NXN: variants seen among roughly 807,000 people sequenced by gnomAD.
NXN encodes the protein nucleoredoxin.
In NXN, 16 loss-of-function variants were observed where a neutral mutation model predicts 48.6. That is an observed-to-expected ratio of 0.33 (90% confidence interval 0.22 to 0.50). NXN has a LOEUF of 0.50. NXN is among the 20% of genes least tolerant of loss of function. NXN has a pLI of 0.98. For missense variants in NXN, 492 were observed against 605.5 expected (o/e 0.81, Z 1.97); for synonymous variants, 281 against 269.6 (o/e 1.04, Z -0.41).
rs376761668 is a variant in NXN, at chr17:821,624, G to A, written c.713+733C>T. On this transcript the variant is annotated intron_variant, in intron 4 of 7. Transcript: ENST00000336868. ...AAATTAGCCAGGCATGCTGGTGGGC[G>A]CCTGTAGTCCCAGCTATTCGAGAGG... Among the ~76,000 whole-genome samples, 41 of 77,502 alleles carry A rather than the reference G, an allele frequency of 5.3e-4. 18 individuals carry two copies. Among genetic ancestry groups the A allele is most frequent in the African/African-American group, 3.0e-3 (38 of 12,766 alleles). 50.8% of individuals were successfully genotyped at this position (77,502 alleles called of 152,430 possible). A position where few individuals can be genotyped will look rare whatever the true frequency, so the allele number is the denominator to read the frequency against.
intron 1 of NXN, among the ~76,000 whole-genome samples, chr17:885,979 C>T (rs2457267): frequency 0.096 from 14,536 of 151,890 alleles, 877 homozygotes; most frequent in South Asian, 0.22. Context: ...TGAGCCACCG[C>T]GCCCAGCTGT....
At chr17:953,121 C>T (rs2069130866) in intron 1 of NXN, among the ~76,000 whole-genome samples, 1 of 152,142 alleles carries the variant, frequency 6.6e-6, no homozygotes, top group African/African-American at 2.4e-5. Context: ...CCCTCCAGCT[C>T]AGGGAATGTC....
At chr17:943,278 T>C (rs1358615961) in intron 1 of NXN, among the ~76,000 whole-genome samples, 1 of 152,148 alleles carries the variant, frequency 6.6e-6, no homozygotes, top group Non-Finnish European at 1.5e-5. Flanking sequence ...AACCACCGAC[T>C]CCCAGCTCTG....
At chr17:893,055 T>C (rs1349632078) in intron 1 of NXN, among the ~76,000 whole-genome samples, 1 of 152,252 alleles carries the variant, frequency 6.6e-6, no homozygotes, top group Non-Finnish European at 1.5e-5. Context: ...ACAAAGTCTA[T>C]CAATTAAAAA....
chr17:944,715 A>C (rs926332069), intron 1 of NXN, among the ~76,000 whole-genome samples: 3 of 152,126 alleles, frequency 2.0e-5, no homozygotes, highest in Admixed American at 6.6e-5. Context: ...CACCTCAAAA[A>C]CACCAAGCTT....
At chr17:879,290 TTTTTG>T (rs1288015672) in intron 1 of NXN, among the ~76,000 whole-genome samples, 11 of 137,972 alleles carry the variant, frequency 8.0e-5, no homozygotes, top group Non-Finnish European at 1.4e-4. Context: ...GGTTTTTGGT[TTTTTG>T]TTTTTTTTTT....
At position 950,986 on chromosome 17, in the gene NXN, T is replaced by C. The variant is rs562005395; in HGVS notation, c.360+28333A>G. Reference sequence around the variant, plus strand: ...AACTAGTACAAGGTCCAATCCTCAATCGCTTATGAAACAAAATCAGAAAAA... The same window carrying C: ...AACTAGTACAAGGTCCAATCCTCAACCGCTTATGAAACAAAATCAGAAAAA... On this transcript the variant is annotated intron_variant, in intron 1 of 7. Transcript: ENST00000336868. Among the ~76,000 whole-genome samples the C allele has an allele frequency of 1.6e-4, 24 of 151,904 alleles. No homozygotes were observed. In the South Asian group the frequency reaches 5.0e-3, roughly 32 times the overall value.
At chr17:858,883 G>C (rs1163387913) in intron 1 of NXN, among the ~76,000 whole-genome samples, 1 of 152,156 alleles carries the variant, frequency 6.6e-6, no homozygotes, top group Non-Finnish European at 1.5e-5. Context: ...CTGTTAATTT[G>C]CTCGATTGCC....
rs1000932621 is a variant in NXN, at chr17:920,675, C to A, written c.360+58644G>T. 2.6e-5 allele frequency among the ~76,000 whole-genome samples: 4 copies of A among 152,034 alleles called. No individual in the cohort carries two copies. The highest frequency in any genetic ancestry group is 5.9e-5 in the Non-Finnish European group (4 of 67,998). The stretch of plus-strand genomic sequence containing the variant: ...TGAGGTCTTCATTCATACCGCCTTG[C>A]CAATCGCCCTCAAAATCACCTGGAA... On this transcript the variant is annotated intron_variant, in intron 1 of 7. Coordinates refer to ENST00000336868, the MANE Select transcript of NXN (RefSeq NM_022463.5). This position sits in a 1 kb window ranked among gnomAD's most constrained non-coding sequence, Gnocchi z 4.6.
At chr17:953,159 A>C (rs943275869) in intron 1 of NXN, among the ~76,000 whole-genome samples, 1 of 150,906 alleles carries the variant, frequency 6.6e-6, no homozygotes, top group African/African-American at 2.4e-5. Flanking sequence ...TCCAAACGGA[A>C]GACTATGACC....
intron 1 of NXN, among the ~76,000 whole-genome samples, chr17:848,106 C>T (rs1009466880): frequency 6.6e-6 from 1 of 151,794 alleles, no homozygotes; most frequent in Non-Finnish European, 1.5e-5. Flanking sequence ...CAACCCCTGA[C>T]GATTCATTTC....
At chr17:951,554 G>A (rs1464564742) in intron 1 of NXN, among the ~76,000 whole-genome samples, 1 of 150,306 alleles carries the variant, frequency 6.7e-6, no homozygotes, top group African/African-American at 2.5e-5. Flanking sequence ...TTAAAAATGC[G>A]AGCTGGGGGC....
chr17:883,322 G>C (rs1320718219), intron 1 of NXN, among the ~76,000 whole-genome samples: 1 of 152,150 alleles, frequency 6.6e-6, no homozygotes, highest in African/African-American at 2.4e-5. Flanking sequence ...GAAACACCCT[G>C]TTCACAGAGG....
intron 1 of NXN, among the ~76,000 whole-genome samples, chr17:891,080 C>T (rs1285066165): frequency 2.5e-5 from 3 of 121,680 alleles, no homozygotes; most frequent in African/African-American, 7.6e-5. Flanking sequence ...TCCGTCTGTC[C>T]GTCCATCCGT....
rs538297861 is a variant in NXN, at chr17:842,958, A to G, written c.361-16880T>C. ...CCGTCTCAAAAAAAGAAAGGAAAGA[A>G]AGAAAGAGAGAAAGAGAGAAAGAGA... On this transcript the variant is annotated intron_variant, in intron 1 of 7. Coordinates refer to ENST00000336868, the MANE Select transcript of NXN (RefSeq NM_022463.5). Among the ~76,000 whole-genome samples, 352 of 136,486 alleles carry G rather than the reference A, an allele frequency of 2.6e-3. 2 individuals carry two copies. The highest frequency in any genetic ancestry group is 3.5e-3 in the Non-Finnish European group (221 of 62,940). The allele number at this position is 136,486 out of a possible 152,430, so 89.5% of individuals were successfully genotyped here.
chr17:928,987 C>T (rs1462042019), intron 1 of NXN, among the ~76,000 whole-genome samples: 1 of 152,200 alleles, frequency 6.6e-6, no homozygotes, highest in Non-Finnish European at 1.5e-5. Flanking sequence ...TTGCAATTCA[C>T]ACTTAATTCC....
At chr17:915,155 C>G (rs926648388) in intron 1 of NXN, among the ~76,000 whole-genome samples, 1 of 152,078 alleles carries the variant, frequency 6.6e-6, no homozygotes, top group African/African-American at 2.4e-5. Context: ...AGGCTGGCCT[C>G]GAACTTCTGA....
At position 801,049 on chromosome 17, in the gene NXN, C is replaced by T. The variant is rs780641044; in HGVS notation, c.1208G>A (p.Arg403Gln). ...PLLTILDMSA[R>Q]AKYVMDVEEI... ...CTCCACGTCCATCACGTACTTGGCC[C>T]GGGCTGACATGTCCAGGATGGTGAG... Residue 403 changes from arginine to glutamine, a missense_variant, in exon 8 of 8, where the codon CGG (arginine) becomes CAG (glutamine). Arg to Gln is a conservative substitution (Grantham distance 43). Around this residue, in one of 3 missense-constraint regions of NXN, gnomAD observed 303 missense variants for 388.3 expected, o/e 0.78. Transcript: ENST00000336868. 10 of 1,578,858 alleles carry T rather than the reference C, an allele frequency of 6.3e-6. No individual in the cohort carries two copies. The highest frequency in any genetic ancestry group is 2.4e-5 in the East Asian group (1 of 41,878).
At chr17:806,079 C>T (rs1181509519) in intron 5 of NXN, among the ~76,000 whole-genome samples, 1 of 149,906 alleles carries the variant, frequency 6.7e-6, no homozygotes, top group Non-Finnish European at 1.5e-5. Flanking sequence ...GCTGGCCGCA[C>T]CGGAGACTCG....
Sources: allele counts gnomAD v4.1 joint callset (sites outside exome capture counted in the v4.1 genomes callset), GRCh38; gene constraint gnomAD v4.1.1; regional missense constraint gnomAD v4.1.1; non-coding constraint Gnocchi (gnomAD v3.1); transcripts MANE v1.5; gene names NCBI Gene and HGNC (gene_info 2026-07-23, HGNC 2026-07-21).